INSL6: variants seen among roughly 807,000 people sequenced by gnomAD.
INSL6 encodes the protein insulin-like peptide INSL6.
In INSL6, 16 loss-of-function variants were observed where a neutral mutation model predicts 9.4. The observed-to-expected ratio is 1.70, with a 90% confidence interval of 1.15 to 2.59. INSL6 has a LOEUF of 2.59. Among genes scored for constraint, INSL6 ranks in the 30% most tolerant of loss-of-function variants. The pLI, the probability that INSL6 is intolerant of heterozygous loss-of-function variation, is 0.00. For missense variants in INSL6, 391 were observed against 257.3 expected (o/e 1.52, Z -3.56); for synonymous variants, 154 against 96.9 (o/e 1.59, Z -3.46).
the INSL6 span, among the ~76,000 whole-genome samples, chr9:5,020,619 C>T: frequency 9.2e-5 from 14 of 152,106 alleles, no homozygotes; most frequent in African/African-American, 3.4e-4. Flanking sequence ...TGAAGCTGTA[C>T]TCAGGGTGCA....
chr9:5,079,048 T>C, the INSL6 span, among the ~76,000 whole-genome samples: 2 of 152,228 alleles, frequency 1.3e-5, no homozygotes, highest in African/African-American at 4.8e-5. Flanking sequence ...AGATTCTAAA[T>C]TGATCAATTT....
chr9:5,104,753 C>T, the INSL6 span, among the ~76,000 whole-genome samples: 2 of 152,198 alleles, frequency 1.3e-5, no homozygotes, highest in Non-Finnish European at 2.9e-5. Context: ...GCTGGTTCAA[C>T]ATTTGCAAAT....
At chr9:5,097,588 A>G in the INSL6 span, 1 of 152,188 alleles carries the variant, frequency 6.6e-6, no homozygotes, top group Non-Finnish European at 1.5e-5. Context: ...CTCCGCTACC[A>G]TAATTACTGC....
At chr9:5,087,327 T>A in the INSL6 span, among the ~76,000 whole-genome samples, 1 of 152,016 alleles carries the variant, frequency 6.6e-6, no homozygotes, top group Non-Finnish European at 1.5e-5. Flanking sequence ...AACCATCAGA[T>A]CTCATGAGAA....
intron 2 of INSL6, among the ~76,000 whole-genome samples, chr9:5,146,174 T>C (rs1824599073): frequency 6.6e-6 from 1 of 152,108 alleles, no homozygotes; most frequent in Non-Finnish European, 1.5e-5. Flanking sequence ...TGGTATAAAG[T>C]GAACTCAGCG....
intron 2 of INSL6, among the ~76,000 whole-genome samples, chr9:5,154,426 G>T (rs564239930): frequency 6.6e-6 from 1 of 152,274 alleles, no homozygotes; most frequent in African/African-American, 2.4e-5. Flanking sequence ...AGGACTTCAT[G>T]TCTAAAACAC....
chr9:5,085,248 TAACC>T, the INSL6 span: 9 of 676,220 alleles, frequency 1.3e-5, no homozygotes, highest in South Asian at 5.4e-5. Context: ...GACCAGTGGC[TAACC>T]TGAGATTCAC....
At chr9:5,101,361 G>C in the INSL6 span, among the ~76,000 whole-genome samples, 18 of 152,362 alleles carry the variant, frequency 1.2e-4, 1 homozygote, top group African/African-American at 4.1e-4. Flanking sequence ...GCTTGAGTAG[G>C]TAAACAAAGT....
chr9:5,147,810 T>C (rs1270275190), intron 2 of INSL6, among the ~76,000 whole-genome samples: 1 of 152,244 alleles, frequency 6.6e-6, no homozygotes, highest in African/African-American at 2.4e-5. Context: ...TCTGAGATTC[T>C]TTCCTCGGGT....
the INSL6 span, among the ~76,000 whole-genome samples, chr9:5,092,158 A>C: frequency 6.6e-6 from 1 of 152,136 alleles, no homozygotes; most frequent in Non-Finnish European, 1.5e-5. Flanking sequence ...GGTGGCAAGA[A>C]ATGGGCCACA....
At chr9:5,154,643 C>A (rs1329908458) in intron 2 of INSL6, among the ~76,000 whole-genome samples, 1 of 151,956 alleles carries the variant, frequency 6.6e-6, no homozygotes, top group African/African-American at 2.4e-5. Context: ...AAGCAAAGAA[C>A]CCCATCAACA....
chr9:5,112,862 C>T, the INSL6 span: 7 of 459,654 alleles, frequency 1.5e-5, no homozygotes, highest in Middle Eastern at 5.6e-4. Context: ...GGTACGCCTC[C>T]GTGGGACGAG....
At chr9:5,126,055 C>A in intron 3 of INSL6, 1 of 241,474 alleles carries the variant, frequency 4.1e-6, no homozygotes, top group South Asian at 1.7e-4. Flanking sequence ...TTTTTAACAA[C>A]AAAAAACTCA....
chr9:5,042,112 T>A, the INSL6 span, among the ~76,000 whole-genome samples: 1 of 146,850 alleles, frequency 6.8e-6, no homozygotes, highest in African/African-American at 2.5e-5. Context: ...CACGTAAGAC[T>A]GGCCAAAATT....
the INSL6 span, among the ~76,000 whole-genome samples, chr9:4,998,692 G>C: frequency 6.6e-6 from 1 of 151,072 alleles, no homozygotes; most frequent in African/African-American, 2.4e-5. Flanking sequence ...CATTAAGCAT[G>C]ATTCTAAGAA....
At chr9:5,015,458 A>T in the INSL6 span, among the ~76,000 whole-genome samples, 1 of 149,754 alleles carries the variant, frequency 6.7e-6, no homozygotes, top group Non-Finnish European at 1.5e-5. Context: ...TAGTGAGTTA[A>T]ACGGCTGGCA....
At chr9:5,079,165 G>A in the INSL6 span, among the ~76,000 whole-genome samples, 2 of 152,148 alleles carry the variant, frequency 1.3e-5, no homozygotes, top group Non-Finnish European at 2.9e-5. Flanking sequence ...AGGGAGTATG[G>A]CAGAAAATTC....
At chr9:5,083,096 G>C in the INSL6 span, among the ~76,000 whole-genome samples, 1 of 152,210 alleles carries the variant, frequency 6.6e-6, no homozygotes, top group Non-Finnish European at 1.5e-5. Context: ...ACTTGACCAA[G>C]AGACTGTTCC....
At chr9:5,095,779 CAT>C in the INSL6 span, among the ~76,000 whole-genome samples, 3 of 152,180 alleles carry the variant, frequency 2.0e-5, no homozygotes, top group African/African-American at 7.2e-5. Flanking sequence ...CTCAATTACT[CAT>C]ATAGGTTGAA....
Sources: gnomAD v4.1 joint callset for allele counts (sites outside exome capture counted in the v4.1 genomes callset) on GRCh38, gnomAD v4.1.1 for gene constraint, MANE v1.5 for transcripts, NCBI Gene and HGNC (gene_info 2026-07-23, HGNC 2026-07-21) for gene names.